Variants in LAMB4 observed in about 807,000 individuals in gnomAD.
The protein encoded by LAMB4 is laminin subunit beta 4, also known as laminin subunit beta-4.
A neutral mutation model predicts 199.2 loss-of-function variants in LAMB4; 196 were observed. The observed-to-expected ratio is 0.98, with a 90% CI of 0.88 to 1.11. The LOEUF (loss-of-function observed/expected upper bound fraction) is 1.11. LAMB4 is among the 50% of genes least tolerant of loss of function. LAMB4 has a pLI of 0.00. For synonymous variants in LAMB4, 744 were observed against 770.6 expected (o/e 0.97, Z 0.57); for missense variants, 2,080 against 2,171.2 (o/e 0.96, Z 0.83).
At chr7:108,056,523 T>C (rs2035991461) in intron 24 of LAMB4, among the ~76,000 whole-genome samples, 1 of 152,196 alleles carries the variant, frequency 6.6e-6, no homozygotes, top group South Asian at 2.1e-4. Flanking sequence ...TTAAAAAAAT[T>C]ACTGACTCCA....
the LAMB4 span, among the ~76,000 whole-genome samples, chr7:108,014,313 T>C: frequency 6.6e-6 from 1 of 152,214 alleles, no homozygotes; most frequent in Non-Finnish European, 1.5e-5. Context: ...TTCTAGAAAC[T>C]AGAGTTCGTT....
intron 14 of LAMB4, among the ~76,000 whole-genome samples, chr7:108,089,166 C>T (rs1375778797): frequency 6.6e-6 from 1 of 152,144 alleles, no homozygotes; most frequent in African/African-American, 2.4e-5. Flanking sequence ...TGTAAGTTCC[C>T]TCAATCATCC....
intron 5 of LAMB4, 144 bp downstream of exon 5, chr7:108,109,027 G>C: frequency 1.6e-6 from 1 of 628,142 alleles, no homozygotes; most frequent in South Asian, 1.9e-5. Flanking sequence ...CTTCATGTAA[G>C]AGTCAAAGCT....
chr7:108,064,038 G>T, intron 21 of LAMB4, 53 bp from the exon 22 acceptor site: 1 of 1,288,704 alleles, frequency 7.8e-7, no homozygotes, highest in Non-Finnish European at 1.1e-6. Context: ...TGTTGGGAGA[G>T]AGGAGGAGAT....
intron 17 of LAMB4, among the ~76,000 whole-genome samples, chr7:108,071,351 C>A (rs1316711399): frequency 1.3e-5 from 2 of 152,174 alleles, no homozygotes; most frequent in African/African-American, 4.8e-5. Flanking sequence ...ATCAGCACCC[C>A]CCTAACTCCA....
intron 21 of LAMB4, among the ~76,000 whole-genome samples, chr7:108,065,113 G>A (rs2036291276): frequency 6.6e-6 from 1 of 151,980 alleles, no homozygotes; most frequent in Non-Finnish European, 1.5e-5. Context: ...TTGCTTTGCG[G>A]CCCAGGCTGG....
chr7:108,069,841 G>C lies in LAMB4; in HGVS notation c.2169C>G (p.Ser723Arg). 1 of 1,613,534 alleles carries C rather than the reference G, an allele frequency of 6.2e-7. No homozygotes were observed. Among genetic ancestry groups the C allele is most frequent in the Non-Finnish European group, 8.5e-7 (1 of 1,179,612 alleles). Residue 723 changes from serine (S) to arginine (R), a missense_variant, in exon 18 of 34, where the codon AGC (serine) becomes AGG (arginine). Ser to Arg is a moderately radical substitution (Grantham distance 110, BLOSUM62 -1). Transcript: ENST00000388781. The part of the protein sequence containing the change: ...PQINSLENFC[S>R]KQDLDEYQLH... Reference sequence around the variant, plus strand: ...GCTGATACTCATCTAAGTCCTGCTTGCTGCAGAAATTCTCCAATGAATTGA... The same window carrying C: ...GCTGATACTCATCTAAGTCCTGCTTCCTGCAGAAATTCTCCAATGAATTGA...
chr7:108,042,165 G>A (rs1170017394), intron 29 of LAMB4, among the ~76,000 whole-genome samples: 1 of 152,096 alleles, frequency 6.6e-6, no homozygotes, highest in Admixed American at 6.6e-5. Context: ...TCGGTGGAGG[G>A]CATTGCAAGG....
At chr7:108,061,661 C>T (rs1437239161) in intron 23 of LAMB4, among the ~76,000 whole-genome samples, 2 of 150,844 alleles carry the variant, frequency 1.3e-5, no homozygotes, top group Non-Finnish European at 2.9e-5. Flanking sequence ...ATCGCTTGAA[C>T]CCAGGAGGCA....
At chr7:108,091,098 C>CTTTTTTT (rs34553199) in intron 14 of LAMB4, among the ~76,000 whole-genome samples, 1 of 149,390 alleles carries the variant, frequency 6.7e-6, no homozygotes. Context: ...CTCGAATTAC[C>CTTTTTTT]TTTTTTTTTT....
rs200988293 is a variant in LAMB4, at chr7:108,055,986, C to T, written c.3401G>A (p.Gly1134Asp). The change falls in exon 25 of 34, where the codon GGT (glycine) becomes GAT (aspartate). Residue 1134 changes from glycine (G) to aspartate (D), a missense_variant. Coordinates refer to ENST00000388781, the MANE Select transcript of LAMB4 (RefSeq NM_007356.3). ...TGGATCACAGATGGGCTTCTGGGTA[C>T]CTGCCCTGTTACAATCACATGCTAA... Reference protein sequence around the residue: ...RCIPCDCNRAGTQKPICDPDT... With the variant: ...RCIPCDCNRADTQKPICDPDT... 6.2e-7 allele frequency: 1 copy of T among 1,613,050 alleles called. No individual in the cohort carries two copies. Among genetic ancestry groups the T allele is most frequent in the Non-Finnish European group, 8.5e-7 (1 of 1,179,394 alleles).
intron 31 of LAMB4, among the ~76,000 whole-genome samples, chr7:108,033,439 C>T (rs1483262875): frequency 1.3e-5 from 2 of 152,180 alleles, no homozygotes; most frequent in African/African-American, 4.8e-5. Context: ...TTGAGACAGT[C>T]TCGCTCTGTT....
chr7:108,128,437 A>G (rs1232089410), intron 1 of LAMB4, among the ~76,000 whole-genome samples: 3 of 152,124 alleles, frequency 2.0e-5, no homozygotes, highest in Admixed American at 2.0e-4. Flanking sequence ...AGAATTAAGC[A>G]TCCTAAAATA....
At chr7:108,017,267 T>C in the LAMB4 span, among the ~76,000 whole-genome samples, 1 of 152,140 alleles carries the variant, frequency 6.6e-6, no homozygotes, top group Admixed American at 6.5e-5. Flanking sequence ...AAAGATTATA[T>C]GTAGGTTCAA....
chr7:108,061,715 G>A (rs1221190316), intron 23 of LAMB4, among the ~76,000 whole-genome samples: 2 of 148,634 alleles, frequency 1.3e-5, no homozygotes, highest in African/African-American at 5.1e-5. Flanking sequence ...CTCAGGCCTG[G>A]GCAACAGAGC....
rs375263354 is a variant in LAMB4, at chr7:108,109,154, G to A, written c.402+17C>T. On this transcript the variant is annotated intron_variant, in intron 5 of 33. Transcript: ENST00000388781. The stretch of plus-strand genomic sequence containing the variant: ...GGGAATAGATAAAAGAGGGGCAGCA[G>A]GCCTATTAGTCTGTACCTTAAAGGT... 1 of 1,570,800 alleles carries A rather than the reference G, an allele frequency of 6.4e-7. No individual in the cohort carries two copies. Among genetic ancestry groups the A allele is most frequent in the Non-Finnish European group, 8.8e-7 (1 of 1,141,036 alleles).
chr7:108,080,967 CA>C (rs1483580614), intron 14 of LAMB4, among the ~76,000 whole-genome samples: 1 of 151,994 alleles, frequency 6.6e-6, no homozygotes, highest in Non-Finnish European at 1.5e-5. Context: ...ACTAAAAATA[CA>C]AAAATTATCT....
chr7:108,035,265 G>A (rs1314973029), intron 30 of LAMB4, among the ~76,000 whole-genome samples: 1 of 152,074 alleles, frequency 6.6e-6, no homozygotes, highest in Non-Finnish European at 1.5e-5. Flanking sequence ...TGCAGGCCAG[G>A]CGTGGTGGCT....
chr7:108,092,238 A>G lies in LAMB4; in HGVS notation c.1550+99T>C, dbSNP rs2037435455. On this transcript the variant is annotated intron_variant, in intron 13 of 33. Transcript: ENST00000388781. ...TAATGTCTCAAGATCATTGCTTGTC[A>G]TGGAATGAAATTTTTCACCTATGAC... is the stretch of plus-strand genomic sequence containing the variant. The G allele has an allele frequency of 4.8e-6, 4 of 837,534 alleles. No individual in the cohort carries two copies. In the East Asian group the frequency reaches 1.0e-4, roughly 22 times the overall value. The allele number at this position is 837,534 out of a possible 1,614,324, so 51.9% of individuals were successfully genotyped here. A position where few individuals can be genotyped will look rare whatever the true frequency, so the allele number is the denominator to read the frequency against.
Sources: allele counts gnomAD v4.1 joint callset (sites outside exome capture counted in the v4.1 genomes callset), GRCh38; gene constraint gnomAD v4.1.1; transcripts MANE v1.5; gene names NCBI Gene and HGNC (gene_info 2026-07-23, HGNC 2026-07-21).